Variants in DGKB observed in about 807,000 individuals in gnomAD.
DGKB encodes the protein 90 kDa diacylglycerol kinase.
In DGKB, 67 loss-of-function variants were observed where a neutral mutation model predicts 114.3. That is an observed-to-expected ratio of 0.59 (90% CI 0.48 to 0.72). The LOEUF (loss-of-function observed/expected upper bound fraction) is 0.72, where lower values mean the gene tolerates loss of function less well. Among genes scored for constraint, DGKB ranks in the 30% least tolerant of loss-of-function variants. DGKB has a pLI of 0.00. For missense variants in DGKB, 907 were observed against 975.2 expected, an observed-to-expected ratio of 0.93 and a Z score of 0.93; for synonymous variants, 398 against 323.1, an observed-to-expected ratio of 1.23 and a Z score of -2.49.
At chr7:14,386,889 G>GT (rs761493619) in intron 21 of DGKB, among the ~76,000 whole-genome samples, 1 of 152,030 alleles carries the variant, frequency 6.6e-6, no homozygotes, top group Non-Finnish European at 1.5e-5. Context: ...AAATTATCTA[G>GT]TAGAAGCCTT....
chr7:14,388,495 A>C (rs1412464600), intron 21 of DGKB, among the ~76,000 whole-genome samples: 1 of 150,256 alleles, frequency 6.7e-6, no homozygotes, highest in Non-Finnish European at 1.5e-5. Flanking sequence ...CTAAAAAGAC[A>C]ACAGTGCTGA....
chr7:14,225,225 A>C (rs1211161014), intron 23 of DGKB, among the ~76,000 whole-genome samples: 1 of 152,078 alleles, frequency 6.6e-6, no homozygotes, highest in Non-Finnish European at 1.5e-5. Flanking sequence ...TCCCTTCGCA[A>C]AACCTCTGAC....
intron 23 of DGKB, among the ~76,000 whole-genome samples, chr7:14,203,993 G>A (rs1344510815): frequency 6.6e-6 from 1 of 151,982 alleles, no homozygotes; most frequent in Non-Finnish European, 1.5e-5. Flanking sequence ...CGAATTAATT[G>A]CAGGATATTT....
At chr7:14,648,480 CA>C (rs1234262034) in intron 13 of DGKB, among the ~76,000 whole-genome samples, 2 of 148,706 alleles carry the variant, frequency 1.3e-5, no homozygotes, top group Non-Finnish European at 3.0e-5. Context: ...ACATCCACAC[CA>C]AAAACCCATC....
chr7:14,569,965 A>C (rs1798134123), intron 20 of DGKB, among the ~76,000 whole-genome samples: 1 of 151,426 alleles, frequency 6.6e-6, no homozygotes, highest in Non-Finnish European at 1.5e-5. Context: ...TGTTTCTGGA[A>C]AGTCATTGAT....
intron 21 of DGKB, among the ~76,000 whole-genome samples, chr7:14,372,104 C>T (rs977943003): frequency 1.3e-5 from 2 of 152,160 alleles, no homozygotes; most frequent in Non-Finnish European, 2.9e-5. Flanking sequence ...AGTTCCAGTG[C>T]TCAGGAGAAA....
intron 21 of DGKB, among the ~76,000 whole-genome samples, chr7:14,368,536 A>G (rs1817083075): frequency 6.6e-6 from 1 of 151,954 alleles, no homozygotes; most frequent in Admixed American, 6.6e-5. Flanking sequence ...AAATGGTTGC[A>G]ACAGAAATGA....
In DGKB at chr7:14,825,032, A is replaced by G. The variant is rs1341419966; in HGVS notation, c.70+16162T>C. Among the ~76,000 whole-genome samples, 241 of 139,452 alleles carry G rather than the reference A, an allele frequency of 1.7e-3. 5 individuals are homozygous for G. Among genetic ancestry groups the G allele is most frequent in the African/African-American group, 5.8e-3 (219 of 37,480 alleles). The allele number at this position is 139,452 out of a possible 152,430, so 91.5% of individuals were successfully genotyped here. ...TATGTGTATGTATATATATATATAT[A>G]TATATATATATATATATATATATAT... On this transcript the variant is annotated intron_variant, in intron 2 of 25. Coordinates refer to ENST00000402815, the MANE Select transcript of DGKB (RefSeq NM_001350709.2).
intron 6 of DGKB, among the ~76,000 whole-genome samples, chr7:14,717,207 C>A (rs949462115): frequency 6.6e-6 from 1 of 152,058 alleles, no homozygotes; most frequent in African/African-American, 2.4e-5. Flanking sequence ...CAATATACAT[C>A]CAGCTGACCT....
At chr7:14,386,309 A>C (rs529289549) in intron 21 of DGKB, among the ~76,000 whole-genome samples, 4 of 152,174 alleles carry the variant, frequency 2.6e-5, no homozygotes, top group Admixed American at 2.0e-4. Flanking sequence ...TTTTTTAAAA[A>C]TTTCTTTGAA....
chr7:14,911,321 T>C (rs753889396), intron 1 of DGKB, among the ~76,000 whole-genome samples: 42 of 152,126 alleles, frequency 2.8e-4, no homozygotes, highest in Admixed American at 7.2e-4. Flanking sequence ...TTTAAATAAT[T>C]GATCTTAAGT....
intron 1 of DGKB, among the ~76,000 whole-genome samples, chr7:14,848,009 A>G (rs1169819234): frequency 6.6e-6 from 1 of 152,242 alleles, no homozygotes; most frequent in Non-Finnish European, 1.5e-5. Flanking sequence ...TGTTAAGGAC[A>G]GTACAATTTG....
intron 20 of DGKB, among the ~76,000 whole-genome samples, chr7:14,572,924 G>A (rs1400668224): frequency 1.3e-5 from 2 of 152,108 alleles, no homozygotes; most frequent in African/African-American, 4.8e-5. Context: ...AATATAGAAT[G>A]TCCATAAAAG....
chr7:14,311,343 T>G (rs913916556), intron 23 of DGKB, among the ~76,000 whole-genome samples: 1 of 152,162 alleles, frequency 6.6e-6, no homozygotes, highest in Admixed American at 6.5e-5. Context: ...TCCTTGGTAG[T>G]TGGCAGATCC....
intron 16 of DGKB, among the ~76,000 whole-genome samples, chr7:14,609,018 T>C (rs1370339136): frequency 6.6e-6 from 1 of 152,066 alleles, no homozygotes; most frequent in East Asian, 1.9e-4. Context: ...ACACTATTTC[T>C]ATGAAACTAC....
chr7:14,916,363 T>A (rs1421757423), intron 1 of DGKB, among the ~76,000 whole-genome samples: 1 of 152,070 alleles, frequency 6.6e-6, no homozygotes, highest in African/African-American at 2.4e-5. Context: ...AAATAGTCAT[T>A]TTTAATATGA....
At chr7:14,336,186 A>T (rs1810623536) in intron 23 of DGKB, among the ~76,000 whole-genome samples, 2 of 152,202 alleles carry the variant, frequency 1.3e-5, no homozygotes, top group Non-Finnish European at 2.9e-5. Context: ...TAGCAGAATA[A>T]ATATGAAATC....
chr7:14,374,709 A>T lies in DGKB; in HGVS notation c.1836-29318T>A, dbSNP rs141138233. Among the ~76,000 whole-genome samples the T allele has an allele frequency of 4.2e-4, 64 of 152,332 alleles. No homozygotes were observed. In the East Asian group the frequency reaches 0.012, roughly 28 times the overall value. ...TTATGAAAGAACTCTCTTGCCGTACAGCAGGGTTTCTCAATCTCAATACTA... is the reference window on the plus strand; with the variant it reads ...TTATGAAAGAACTCTCTTGCCGTACTGCAGGGTTTCTCAATCTCAATACTA... On this transcript the variant is annotated intron_variant, in intron 21 of 25. Transcript: ENST00000402815.
intron 2 of DGKB, among the ~76,000 whole-genome samples, chr7:14,770,213 A>G (rs1025340831): frequency 5.3e-5 from 8 of 152,058 alleles, no homozygotes; most frequent in African/African-American, 1.7e-4. Flanking sequence ...TGTGAAGGAT[A>G]AAGAGGAGCA....
Sources: allele counts gnomAD v4.1 joint callset (sites outside exome capture counted in the v4.1 genomes callset), GRCh38; gene constraint gnomAD v4.1.1; transcripts MANE v1.5; gene names NCBI Gene and HGNC (gene_info 2026-07-23, HGNC 2026-07-21).